ACTN2: variants seen among roughly 807,000 people sequenced by gnomAD.
ACTN2 encodes alpha-actinin-2.
ACTN2 carries 39 observed loss-of-function variants against 113.8 expected under a neutral mutation model. That is an observed-to-expected ratio of 0.34 (90% CI 0.27 to 0.45). The LOEUF is 0.45. ACTN2 is among the 20% of genes least tolerant of loss of function. The pLI is 1.00. For synonymous variants in ACTN2, 429 were observed against 444.1 expected, an observed-to-expected ratio of 0.97 and a Z score of 0.43; for missense variants, 992 against 1,177.9, an observed-to-expected ratio of 0.84 and a Z score of 2.31.
chr1:236,754,021 G>A lies in ACTN2; in HGVS notation c.1914G>A (p.Leu638=). The A allele has an allele frequency of 6.2e-7, 1 of 1,614,142 alleles. No homozygotes were observed. The highest frequency in any genetic ancestry group is 1.1e-5 in the South Asian group (1 of 91,088). Residue 638 remains leucine (L), a synonymous_variant, in exon 16 of 21, where the codon CTG becomes CTA. Coordinates refer to ENST00000366578, the MANE Select transcript of ACTN2 (RefSeq NM_001103.4). This position sits in a 1 kb window ranked among gnomAD's most constrained non-coding sequence, Gnocchi z 4.9. The part of the protein sequence containing the change: ...ELARQHANER[L]RRQFAAQANA... ...CTCGCCAGCATGCTAACGAGCGTCT[G>A]AGGCGCCAGTTTGCTGCCCAAGCCA...
intron 1 of ACTN2, among the ~76,000 whole-genome samples, chr1:236,698,901 A>C (rs1657596684): frequency 6.6e-6 from 1 of 152,184 alleles, no homozygotes; most frequent in Admixed American, 6.5e-5. Flanking sequence ...TATTATCTTC[A>C]TTATTTTAGC....
At chr1:236,728,411 G>A (rs2102907681) in intron 6 of ACTN2, among the ~76,000 whole-genome samples, 1 of 152,300 alleles carries the variant, frequency 6.6e-6, no homozygotes, top group Non-Finnish European at 1.5e-5. Context: ...CCAAAGTGCT[G>A]GGATTACAGG....
intron 11 of ACTN2, 120 bp from the exon 12 acceptor site, chr1:236,744,506 C>A: frequency 8.2e-7 from 1 of 1,223,134 alleles, no homozygotes; most frequent in Non-Finnish European, 1.2e-6. Context: ...TTCAGTCCTG[C>A]CCCTCTCTGT....
At chr1:236,743,454 G>T (rs1400353108) in intron 11 of ACTN2, among the ~76,000 whole-genome samples, 1 of 152,124 alleles carries the variant, frequency 6.6e-6, no homozygotes, top group African/African-American at 2.4e-5. Flanking sequence ...TAGAAAATCT[G>T]GGAGGGAGGA....
chr1:236,749,077 A>T (rs933370800), intron 13 of ACTN2, 47 bp from the exon 14 acceptor site: 1 of 1,608,444 alleles, frequency 6.2e-7, no homozygotes, highest in Non-Finnish European at 8.5e-7. Context: ...CTTTCAGTGA[A>T]TTTTTTAATT....
intron 1 of ACTN2, among the ~76,000 whole-genome samples, chr1:236,706,449 T>C (rs1657826663): frequency 6.6e-6 from 1 of 152,156 alleles, no homozygotes; most frequent in African/African-American, 2.4e-5. Flanking sequence ...TCATGGGGCC[T>C]CGGAAAATGC....
intron 13 of ACTN2, chr1:236,748,005 C>T: frequency 2.0e-6 from 1 of 498,904 alleles, no homozygotes; most frequent in Non-Finnish European, 3.6e-6. Context: ...TTAAAAAATC[C>T]AGGGGTGATG....
intron 1 of ACTN2, among the ~76,000 whole-genome samples, chr1:236,695,639 G>T (rs900789760): frequency 6.3e-5 from 8 of 126,978 alleles, no homozygotes; most frequent in African/African-American, 2.5e-4. Context: ...ATTCAGAGAC[G>T]TATAAATTTA....
At chr1:236,734,383 C>T in intron 7 of ACTN2, 3 of 1,329,424 alleles carry the variant, frequency 2.3e-6, no homozygotes, top group Non-Finnish European at 3.1e-6. Flanking sequence ...TTAGCAGAAG[C>T]CTGCTGGTAT....
rs2102934481 is a variant in ACTN2, at chr1:236,747,663, A to G, written c.1407-4A>G. 6.2e-7 allele frequency: 1 copy of G among 1,612,808 alleles called. No individual in the cohort carries two copies. The highest frequency in any genetic ancestry group is 2.2e-5 in the East Asian group (1 of 44,866). ...TAATCTTTATTTATTTTCACTTTTA[A>G]TAGTGAACTGGACTATCACGACGCT... On this transcript the variant is annotated splice_region_variant and splice_polypyrimidine_tract_variant and intron_variant, in intron 12 of 20. Transcript: ENST00000366578.
chr1:236,744,590 C>G, intron 11 of ACTN2, 36 bp from the exon 12 acceptor site: 1 of 1,612,722 alleles, frequency 6.2e-7, no homozygotes, highest in Non-Finnish European at 8.5e-7. Context: ...GCTGTGCCCT[C>G]AGCATATTCA....
Position 236,758,884 on chromosome 1 carries a change from G to C in ACTN2, c.2302-840G>C, listed in dbSNP as rs750982319. On this transcript the variant is annotated intron_variant, in intron 18 of 20. Coordinates refer to ENST00000366578, the MANE Select transcript of ACTN2 (RefSeq NM_001103.4). ...GATCCATCTGCCTCAGCCTCCCAAA[G>C]TGCTGAGCTTACAGGCGTGAGCCAC... is the stretch of plus-strand genomic sequence containing the variant. 2.6e-5 allele frequency among the ~76,000 whole-genome samples: 4 copies of C among 152,208 alleles called. No homozygotes were observed. In the South Asian group the frequency reaches 6.2e-4, roughly 24 times the overall value.
intron 5 of ACTN2, among the ~76,000 whole-genome samples, chr1:236,726,966 A>T (rs1244110439): frequency 6.6e-6 from 1 of 152,186 alleles, no homozygotes; most frequent in Non-Finnish European, 1.5e-5. Flanking sequence ...TGTAGCACTG[A>T]TAACTCTCAC....
intron 1 of ACTN2, among the ~76,000 whole-genome samples, chr1:236,702,182 G>A (rs1657696671): frequency 6.6e-6 from 1 of 152,178 alleles, no homozygotes. Flanking sequence ...ACTTCAGAAC[G>A]CTAGGATTGC....
chr1:236,720,827 T>C (rs1018484554), intron 4 of ACTN2, among the ~76,000 whole-genome samples: 3 of 152,004 alleles, frequency 2.0e-5, no homozygotes, highest in Admixed American at 6.6e-5. Context: ...AATTGGAACT[T>C]TGCCTGTTTG....
At chr1:236,701,280 A>G (rs1434147626) in intron 1 of ACTN2, among the ~76,000 whole-genome samples, 2 of 152,166 alleles carry the variant, frequency 1.3e-5, no homozygotes, top group Non-Finnish European at 2.9e-5. Context: ...ATTTGTACAT[A>G]GGGTAGTAAT....
At chr1:236,689,423 T>C (rs1666000150) in intron 1 of ACTN2, among the ~76,000 whole-genome samples, 1 of 150,854 alleles carries the variant, frequency 6.6e-6, no homozygotes, top group African/African-American at 2.4e-5. Context: ...CAGGCTGGAG[T>C]ACAGTGGCAT....
rs67318171 is a variant in ACTN2, at chr1:236,737,298, C to CATATATATATATATATATATAT, written c.876+104_876+105insATATATATATATATATATATAT. On this transcript the variant is annotated intron_variant, in intron 9 of 20. Coordinates refer to ENST00000366578, the MANE Select transcript of ACTN2 (RefSeq NM_001103.4). ...AGGGTGAAAAAATACTCCGTGGGGG[C>CATATATATATATATATATATAT]ATATATATATATATATATATTTTGC... 34 of 344,346 alleles carry CATATATATATATATATATATAT rather than the reference C, an allele frequency of 9.9e-5. 2 individuals are homozygous for CATATATATATATATATATATAT. Among genetic ancestry groups the CATATATATATATATATATATAT allele is most frequent in the Middle Eastern group, 8.4e-4 (1 of 1,186 alleles). The allele number at this position is 344,346 out of a possible 1,614,324, so 21.3% of individuals were successfully genotyped here.
intron 4 of ACTN2, among the ~76,000 whole-genome samples, chr1:236,721,455 G>A (rs1192836479): frequency 6.6e-6 from 1 of 151,962 alleles, no homozygotes; most frequent in African/African-American, 2.4e-5. Flanking sequence ...TTCCCTTCTG[G>A]CACCGGAGAC....
Sources: gnomAD v4.1 joint callset for allele counts (sites outside exome capture counted in the v4.1 genomes callset) on GRCh38, gnomAD v4.1.1 for gene constraint, Gnocchi (gnomAD v3.1) non-coding constraint, MANE v1.5 for transcripts, NCBI Gene and HGNC (gene_info 2026-07-23, HGNC 2026-07-21) for gene names.